BMAL2: variants seen among roughly 807,000 people sequenced by gnomAD.
The protein encoded by BMAL2 is basic helix-loop-helix ARNT-like protein 2.
the BMAL2 span, among the ~76,000 whole-genome samples, chr12:27,352,660 T>G: frequency 6.6e-6 from 1 of 152,230 alleles, no homozygotes; most frequent in Non-Finnish European, 1.5e-5. Flanking sequence ...ATTATCTCTC[T>G]TCACTGACAA....
chr12:27,386,068 A>C, the BMAL2 span, among the ~76,000 whole-genome samples: 1 of 151,932 alleles, frequency 6.6e-6, no homozygotes, highest in Non-Finnish European at 1.5e-5. Context: ...TGTCTTGGTC[A>C]TGTGCTGTGT....
At chr12:27,386,371 A>T in the BMAL2 span, among the ~76,000 whole-genome samples, 1 of 152,056 alleles carries the variant, frequency 6.6e-6, no homozygotes, top group Non-Finnish European at 1.5e-5. Context: ...AGAGTGCCAG[A>T]CTCTTCCTAT....
At chr12:27,380,058 G>A in the BMAL2 span, among the ~76,000 whole-genome samples, 8 of 152,134 alleles carry the variant, frequency 5.3e-5, no homozygotes, top group Non-Finnish European at 2.9e-5. Flanking sequence ...CAAGGGCAGC[G>A]AGTTTTATGA....
chr12:27,344,367 G>A, the BMAL2 span, among the ~76,000 whole-genome samples: 5 of 152,210 alleles, frequency 3.3e-5, no homozygotes, highest in Non-Finnish European at 4.4e-5. Context: ...CCTAATGATT[G>A]TGTGATGTTT....
At chr12:27,339,854 A>T in the BMAL2 span, among the ~76,000 whole-genome samples, 1 of 152,080 alleles carries the variant, frequency 6.6e-6, no homozygotes, top group African/African-American at 2.4e-5. Context: ...ATAATCAGTG[A>T]TGTTGAGCTT....
At chr12:27,383,935 C>T in the BMAL2 span, among the ~76,000 whole-genome samples, 3 of 152,154 alleles carry the variant, frequency 2.0e-5, no homozygotes, top group Non-Finnish European at 2.9e-5. Context: ...CTTACTTTGC[C>T]ACCACCACCA....
chr12:27,410,239 T>G, the BMAL2 span, among the ~76,000 whole-genome samples: 1 of 152,192 alleles, frequency 6.6e-6, no homozygotes, highest in Non-Finnish European at 1.5e-5. Context: ...GCAATCCCAT[T>G]ACTGGGTATA....
At chr12:27,347,377 G>A in the BMAL2 span, among the ~76,000 whole-genome samples, 2 of 152,304 alleles carry the variant, frequency 1.3e-5, no homozygotes, top group East Asian at 3.9e-4. Flanking sequence ...GGCATTCAAA[G>A]CCTTTGATTA....
chr12:27,389,090 A>G, the BMAL2 span: 2 of 920,102 alleles, frequency 2.2e-6, no homozygotes, highest in Non-Finnish European at 3.5e-6. Flanking sequence ...AAATCAATCA[A>G]AAATCAAAAA....
chr12:27,333,080 C>CTCCT, the BMAL2 span: 3 of 1,205,014 alleles, frequency 2.5e-6, no homozygotes, highest in Admixed American at 8.9e-5. Flanking sequence ...GCGATGGCGG[C>CTCCT]GGAAGAGGAG....
chr12:27,337,795 G>A, the BMAL2 span, among the ~76,000 whole-genome samples: 1 of 152,072 alleles, frequency 6.6e-6, no homozygotes, highest in East Asian at 1.9e-4. Flanking sequence ...TACCTAACTT[G>A]GAAGGTTGTT....
the BMAL2 span, among the ~76,000 whole-genome samples, chr12:27,415,619 T>TCG: frequency 2.6e-5 from 4 of 152,296 alleles, no homozygotes; most frequent in South Asian, 6.2e-4. Context: ...TATTGACAGA[T>TCG]GATACGATTT....
At chr12:27,416,706 C>G in the BMAL2 span, among the ~76,000 whole-genome samples, 1 of 152,124 alleles carries the variant, frequency 6.6e-6, no homozygotes, top group Non-Finnish European at 1.5e-5. Context: ...GCCTATAATC[C>G]CAGCTACTCA....
the BMAL2 span, chr12:27,368,311 C>A: frequency 6.2e-7 from 1 of 1,614,118 alleles, no homozygotes; most frequent in Non-Finnish European, 8.5e-7. Context: ...TGGTTTCCAG[C>A]CGCGTGAGTC....
At chr12:27,383,073 A>C in the BMAL2 span, among the ~76,000 whole-genome samples, 3 of 152,172 alleles carry the variant, frequency 2.0e-5, no homozygotes, top group Non-Finnish European at 2.9e-5. Context: ...CTGCAATCTG[A>C]TTACCAGGCG....
At chr12:27,417,849 C>T in the BMAL2 span, among the ~76,000 whole-genome samples, 13 of 151,894 alleles carry the variant, frequency 8.6e-5, no homozygotes, top group East Asian at 7.7e-4. Context: ...AAAAATTAGC[C>T]GGGCGTGGTG....
At chr12:27,362,650 A>G in the BMAL2 span, among the ~76,000 whole-genome samples, 4 of 152,140 alleles carry the variant, frequency 2.6e-5, no homozygotes, top group African/African-American at 9.7e-5. Context: ...AGATATCTCT[A>G]TACAAAAAAA....
At chr12:27,406,073 C>T in the BMAL2 span, among the ~76,000 whole-genome samples, 4 of 152,134 alleles carry the variant, frequency 2.6e-5, no homozygotes, top group Admixed American at 1.3e-4. Context: ...AACAAAGCCT[C>T]CAAGAAATAT....
At chr12:27,391,733 G>C in the BMAL2 span, among the ~76,000 whole-genome samples, 1 of 152,296 alleles carries the variant, frequency 6.6e-6, no homozygotes, top group South Asian at 2.1e-4. Flanking sequence ...CTTGCAGAGA[G>C]TCAAATAGGC....
Sources: allele counts gnomAD v4.1 joint callset (sites outside exome capture counted in the v4.1 genomes callset), GRCh38; gene constraint gnomAD v4.1.1; transcripts MANE v1.5; gene names NCBI Gene and HGNC (gene_info 2026-07-23, HGNC 2026-07-21).